Variants in PDHB observed in about 807,000 individuals in gnomAD.
The protein encoded by PDHB is pyruvate dehydrogenase E1 component subunit beta, mitochondrial.
A neutral mutation model predicts 42.8 loss-of-function variants in PDHB; 17 were observed. The ratio of observed to expected loss-of-function variants is 0.40; its 90% CI spans 0.27 to 0.60. PDHB has a LOEUF of 0.60. Ranked by LOEUF, PDHB falls within the 20% of genes least tolerant of loss-of-function variation. PDHB has a pLI of 0.46. For synonymous variants in PDHB, 154 were observed against 148.7 expected (o/e 1.04, Z -0.26); for missense variants, 322 against 451.3 (o/e 0.71, Z 2.60).
In PDHB at chr3:58,430,247, CAT is replaced by C. The variant is rs1179603141; in HGVS notation, c.590-11_590-10del. 1.3e-6 allele frequency: 2 copies of C among 1,535,582 alleles called. No homozygotes were observed. The highest frequency in any genetic ancestry group is 2.2e-5 in the East Asian group (1 of 44,534). On this transcript the variant is annotated splice_polypyrimidine_tract_variant and intron_variant, in intron 6 of 9. Transcript: ENST00000302746. Reference sequence around the variant, plus strand: ...ATTCTCTAGCACCACCACTGAAAAACATAAATATTTAAACAAAAGTAATTAAT... The same window carrying C: ...ATTCTCTAGCACCACCACTGAAAAACAAATATTTAAACAAAAGTAATTAAT...
intron 8 of PDHB, 115 bp downstream of exon 8, chr3:58,429,592 GA>G: frequency 2.6e-6 from 2 of 777,350 alleles, no homozygotes; most frequent in Non-Finnish European, 2.3e-6. Flanking sequence ...AGCAGAGACA[GA>G]AATGAGTGAC....
chr3:58,430,123 C>CT lies in PDHB; in HGVS notation c.700+4dup. 1 of 1,531,994 alleles carries CT rather than the reference C, an allele frequency of 6.5e-7. No individual in the cohort carries two copies. Among genetic ancestry groups the CT allele is most frequent in the Non-Finnish European group, 9.0e-7 (1 of 1,105,524 alleles). 94.9% of individuals were successfully genotyped at this position (1,531,994 alleles called of 1,614,324 possible). Reference sequence around the variant, plus strand: ...AATACTGTTTATATATCTTAGTTTTCTTACCTTGCCTTTCTATTTTGGCTT... The same window carrying CT: ...AATACTGTTTATATATCTTAGTTTTCTTTACCTTGCCTTTCTATTTTGGCTT... On this transcript the variant is annotated splice_donor_region_variant and intron_variant, in intron 7 of 9. Coordinates refer to ENST00000302746, the MANE Select transcript of PDHB (RefSeq NM_000925.4).
In PDHB at chr3:58,428,629, TAATC is replaced by T. The variant is rs1286003608; in HGVS notation, c.793-19_793-16del. The T allele has an allele frequency of 6.2e-7, 1 of 1,605,466 alleles. No homozygotes were observed. ...ATATTTATCACCTAAACAGGTAATA[TAATC>T]AAGTTTACAGAGCTATTGCAGCACA... On this transcript the variant is annotated splice_polypyrimidine_tract_variant and intron_variant, in intron 8 of 9. Transcript: ENST00000302746.
intron 8 of PDHB, 51 bp downstream of exon 8, chr3:58,429,657 A>G (rs1411516409): frequency 8.9e-7 from 1 of 1,119,530 alleles, no homozygotes; most frequent in South Asian, 1.2e-5. Context: ...TGGGTCTTAA[A>G]TCTAAAAGGA....
chr3:58,429,935 A>G (rs1432532830), intron 7 of PDHB, 136 bp from the exon 8 acceptor site: 2 of 742,668 alleles, frequency 2.7e-6, no homozygotes, highest in African/African-American at 1.7e-5. Flanking sequence ...GGAATGTGGC[A>G]GCCTTCCTAG....
Position 58,431,071 on chromosome 3 carries a change from G to T in PDHB, c.304-129C>A, listed in dbSNP as rs1189852988. On this transcript the variant is annotated intron_variant, in intron 5 of 9. Transcript: ENST00000302746. The surrounding 1 kb of genome is among the most constrained non-coding windows in gnomAD (Gnocchi z 4.4). ...TTTATTTTTATTTTTTATGGACAGG[G>T]TCTCACTGTCACCCATGCTGGAGTG... 2 of 947,924 alleles carry T rather than the reference G, an allele frequency of 2.1e-6. No homozygotes were observed. The highest frequency in any genetic ancestry group is 1.6e-5 in the African/African-American group (1 of 61,422). 58.7% of individuals were successfully genotyped at this position (947,924 alleles called of 1,614,324 possible). A position where few individuals can be genotyped will look rare whatever the true frequency, so the allele number is the denominator to read the frequency against.
At chr3:58,430,992 C>T (rs371610965) in intron 5 of PDHB, 50 bp from the exon 6 acceptor site, 7 of 1,515,936 alleles carry the variant, frequency 4.6e-6, no homozygotes, top group Admixed American at 3.3e-5. Flanking sequence ...CAGCAACAAA[C>T]AGTAGCAAAC....
rs764495667 is a variant in PDHB, at chr3:58,433,752, G to A, written c.42+16C>T. 84 of 1,612,022 alleles carry A rather than the reference G, an allele frequency of 5.2e-5. No individual in the cohort carries two copies. The Middle Eastern group carries it at 9.9e-4, about 19-fold the overall frequency. On this transcript the variant is annotated intron_variant, in intron 1 of 9. Coordinates refer to ENST00000302746, the MANE Select transcript of PDHB (RefSeq NM_000925.4). ...CAGGGGTCGCGTGGGAATACAGGCC[G>A]CGCGCTGCTGCCTACCTCCCGAAGG...
At chr3:58,428,246 G>A (rs2062890494) in intron 9 of PDHB, 67 bp from the exon 10 acceptor site, 3 of 1,453,390 alleles carry the variant, frequency 2.1e-6, no homozygotes, top group African/African-American at 2.8e-5. Context: ...TTGGCACAGA[G>A]GTGTGGCTGA....
At chr3:58,433,400 G>GCC in intron 2 of PDHB, 1 of 599,818 alleles carries the variant, frequency 1.7e-6, no homozygotes. Flanking sequence ...GGGAGGAAAC[G>GCC]CCTAGTCTTA....
At chr3:58,429,027 G>C (rs1393790310) in intron 8 of PDHB, among the ~76,000 whole-genome samples, 1 of 152,094 alleles carries the variant, frequency 6.6e-6, no homozygotes, top group East Asian at 1.9e-4. Context: ...GCTAATTTTT[G>C]TATTTTTAGT....
rs1291752592 is a variant in PDHB, at chr3:58,431,206, A to G, written c.304-264T>C. The G allele has an allele frequency of 1.9e-6, 1 of 530,154 alleles. No individual in the cohort carries two copies. The highest frequency in any genetic ancestry group is 1.9e-5 in the African/African-American group (1 of 52,148). 32.8% of individuals were successfully genotyped at this position (530,154 alleles called of 1,614,324 possible). ...CAGGCAAGCACCACCACATCTACCT[A>G]CTTGGTATTTTTTTTTTTTCCCAAA... On this transcript the variant is annotated intron_variant, in intron 5 of 9. Transcript: ENST00000302746. This position sits in a 1 kb window ranked among gnomAD's most constrained non-coding sequence, Gnocchi z 4.4.
Position 58,427,711 on chromosome 3 carries a change from G to C in PDHB, c.*323C>G. ...ATATGCTTTAATTTTATACATATAA[G>C]TTATCTTGTTTGGATACATCTTTCA... On this transcript the variant is annotated 3_prime_UTR_variant, in exon 10 of 10. Coordinates refer to ENST00000302746, the MANE Select transcript of PDHB (RefSeq NM_000925.4). 1 of 454,646 alleles carries C rather than the reference G, an allele frequency of 2.2e-6. No individual in the cohort carries two copies. The highest frequency in any genetic ancestry group is 6.6e-5 in the East Asian group (1 of 15,070). 28.2% of individuals were successfully genotyped at this position (454,646 alleles called of 1,614,324 possible).
chr3:58,431,813 C>T lies in PDHB; in HGVS notation c.205-20G>A. ...ACTAACCTACAATTAAGAGTTGATC[C>T]CTTAAGTGTATCTGGGGGTAACAGT... On this transcript the variant is annotated intron_variant, in intron 3 of 9. Coordinates refer to ENST00000302746, the MANE Select transcript of PDHB (RefSeq NM_000925.4). The surrounding 1 kb of genome is among the most constrained non-coding windows in gnomAD (Gnocchi z 4.4). The T allele has an allele frequency of 6.2e-7, 1 of 1,609,054 alleles. No individual in the cohort carries two copies. Among genetic ancestry groups the T allele is most frequent in the Non-Finnish European group, 8.5e-7 (1 of 1,175,396 alleles).
In PDHB at chr3:58,427,668, T is replaced by A; in HGVS notation, c.*366A>T. On this transcript the variant is annotated 3_prime_UTR_variant, in exon 10 of 10. Transcript: ENST00000302746. ...TCCTTTATTCCTTATCAAAACAAACTAACAGTAAATGTATATTATATGCTT... is the reference window on the plus strand; with the variant it reads ...TCCTTTATTCCTTATCAAAACAAACAAACAGTAAATGTATATTATATGCTT... The A allele has an allele frequency of 2.7e-6, 1 of 374,036 alleles. No homozygotes were observed. The highest frequency in any genetic ancestry group is 3.6e-5 in the Admixed American group (1 of 27,518). The allele number at this position is 374,036 out of a possible 1,614,324, so 23.2% of individuals were successfully genotyped here.
intron 8 of PDHB, among the ~76,000 whole-genome samples, chr3:58,429,273 A>C (rs2062900303): frequency 6.6e-6 from 1 of 152,152 alleles, no homozygotes; most frequent in African/African-American, 2.4e-5. Flanking sequence ...ACAGATTTAG[A>C]GTATATAACT....
rs2062882910 is a variant in PDHB, at chr3:58,427,851, T to A, written c.*183A>T. ...AACAGACAAAAGGAAGCATGGCATC[T>A]AGGGGAGGAGAGTGGAGAGTTTTCC... is the stretch of plus-strand genomic sequence containing the variant. On this transcript the variant is annotated 3_prime_UTR_variant, in exon 10 of 10. Transcript: ENST00000302746. 1 of 665,238 alleles carries A rather than the reference T, an allele frequency of 1.5e-6. No individual in the cohort carries two copies. Among genetic ancestry groups the A allele is most frequent in the Admixed American group, 2.0e-5 (1 of 48,864 alleles). 41.2% of individuals were successfully genotyped at this position (665,238 alleles called of 1,614,324 possible).
chr3:58,428,408 C>T (rs187368956), intron 9 of PDHB, 65 bp downstream of exon 9: 61 of 1,525,490 alleles, frequency 4.0e-5, no homozygotes, highest in Middle Eastern at 1.7e-4. Context: ...TTATCCTGTA[C>T]GTATTCAGGT....
In PDHB at chr3:58,428,089, G is replaced by C. The variant is rs777056005; in HGVS notation, c.1025C>G (p.Ser342Cys). The C allele has an allele frequency of 5.6e-6, 9 of 1,609,820 alleles. No homozygotes were observed. Among genetic ancestry groups the C allele is most frequent in the Non-Finnish European group, 7.7e-6 (9 of 1,176,040 alleles). ...TATGATGTCTTTGACCTGAGGTATA[G>C]AGTTGTCCTCTAGAATCTTTGCATA... ...MPYAKILEDN[S>C]IPQVKDIIFA... is the part of the protein sequence containing the mutation. The change falls in exon 10 of 10, where the codon TCT becomes TGT. Residue 342 changes from serine (S) to cysteine (C), a missense_variant. Coordinates refer to ENST00000302746, the MANE Select transcript of PDHB (RefSeq NM_000925.4).
Sources: allele counts gnomAD v4.1 joint callset (sites outside exome capture counted in the v4.1 genomes callset), GRCh38; gene constraint gnomAD v4.1.1; non-coding constraint Gnocchi (gnomAD v3.1); transcripts MANE v1.5; gene names NCBI Gene and HGNC (gene_info 2026-07-23, HGNC 2026-07-21).